Variants in RB1 observed in about 807,000 individuals in gnomAD.
The protein encoded by RB1 is retinoblastoma-associated protein.
In RB1, 18 loss-of-function variants were observed where a neutral mutation model predicts 135.4. The observed-to-expected ratio is 0.13, with a 90% confidence interval of 0.09 to 0.20. RB1 has a LOEUF of 0.20. RB1 is among the 10% of genes least tolerant of loss of function. The pLI, the probability that RB1 is intolerant of heterozygous loss-of-function variation, is 1.00. For missense variants in RB1, 868 were observed against 1,110.0 expected, an observed-to-expected ratio of 0.78 and a Z score of 3.10; for synonymous variants, 365 against 373.2, an observed-to-expected ratio of 0.98 and a Z score of 0.25.
intron 9 of RB1, 139 bp downstream of exon 9, chr13:48,365,110 G>A: frequency 9.2e-7 from 1 of 1,082,078 alleles, no homozygotes; most frequent in Non-Finnish European, 1.3e-6. Flanking sequence ...GTAGAATTGT[G>A]GTGAAACTAA....
At chr13:48,450,879 G>A (rs1949322974) in intron 17 of RB1, among the ~76,000 whole-genome samples, 1 of 152,034 alleles carries the variant, frequency 6.6e-6, no homozygotes, top group Non-Finnish European at 1.5e-5. Flanking sequence ...TGTGGTTGTT[G>A]AAGAGGCCCG....
intron 17 of RB1, among the ~76,000 whole-genome samples, chr13:48,433,703 G>C (rs751545561): frequency 4.8e-5 from 6 of 125,826 alleles, no homozygotes; most frequent in Non-Finnish European, 1.7e-5. Context: ...TTTACCTTTA[G>C]TAGGTATGCA....
intron 2 of RB1, chr13:48,332,962 T>A (rs1952350088): frequency 5.0e-6 from 2 of 398,002 alleles, no homozygotes; most frequent in Non-Finnish European, 8.9e-6. Flanking sequence ...AGAACAATTA[T>A]GACAAGATGC....
intron 13 of RB1, among the ~76,000 whole-genome samples, chr13:48,377,563 C>T (rs546165556): frequency 2.0e-5 from 3 of 152,210 alleles, no homozygotes; most frequent in South Asian, 2.1e-4. Context: ...ATTTGCTCTG[C>T]TTTGTTGTGT....
chr13:48,395,325 C>A (rs1302985241), intron 17 of RB1, among the ~76,000 whole-genome samples: 1 of 152,066 alleles, frequency 6.6e-6, no homozygotes, highest in African/African-American at 2.4e-5. Context: ...ATTCCAAAAA[C>A]CAGAGCGCCT....
chr13:48,403,845 G>A (rs2138184886), intron 17 of RB1, among the ~76,000 whole-genome samples: 2 of 152,154 alleles, frequency 1.3e-5, no homozygotes, highest in Middle Eastern at 3.4e-3. Flanking sequence ...CTAAGGCCAT[G>A]CCAGCCTATG....
At chr13:48,458,218 G>A (rs534359814) in intron 19 of RB1, among the ~76,000 whole-genome samples, 1 of 152,322 alleles carries the variant, frequency 6.6e-6, no homozygotes, top group South Asian at 2.1e-4. Flanking sequence ...GTTGCCTACT[G>A]CAGACACATT....
Position 48,401,793 on chromosome 13 carries a change from A to T in RB1, c.1695+20350A>T, listed in dbSNP as rs562490115. Among the ~76,000 whole-genome samples, 9 of 152,328 alleles carry T rather than the reference A, an allele frequency of 5.9e-5. No homozygotes were observed. The South Asian group carries it at 1.9e-3, about 32-fold the overall frequency. On this transcript the variant is annotated intron_variant, in intron 17 of 26. Transcript: ENST00000267163. Reference sequence around the variant, plus strand: ...GATTTGTTTCTTAGCCTTTTCAAAAAAGCCTTTTCTTACTTTGCTAAGTTT... The same window carrying T: ...GATTTGTTTCTTAGCCTTTTCAAAATAGCCTTTTCTTACTTTGCTAAGTTT...
At chr13:48,321,054 C>CT (rs1281598798) in intron 2 of RB1, among the ~76,000 whole-genome samples, 1 of 152,080 alleles carries the variant, frequency 6.6e-6, no homozygotes, top group Admixed American at 6.5e-5. Context: ...AGGATAAGGC[C>CT]TTTATCACTC....
intron 2 of RB1, among the ~76,000 whole-genome samples, chr13:48,335,228 TG>T (rs769499099): frequency 6.1e-4 from 93 of 152,126 alleles, no homozygotes; most frequent in Non-Finnish European, 6.8e-4. Flanking sequence ...GAAACTGTTT[TG>T]GGTTTTTATA....
chr13:48,392,375 T>C (rs1948617591), intron 17 of RB1, among the ~76,000 whole-genome samples: 1 of 152,196 alleles, frequency 6.6e-6, no homozygotes, highest in Admixed American at 6.5e-5. Flanking sequence ...CTTCCCAAAG[T>C]GCTGGGATTA....
At chr13:48,392,831 G>C (rs1948621569) in intron 17 of RB1, among the ~76,000 whole-genome samples, 1 of 151,922 alleles carries the variant, frequency 6.6e-6, no homozygotes, top group Non-Finnish European at 1.5e-5. Context: ...TTAGGTGCCA[G>C]ATATCATGAA....
At chr13:48,414,793 G>A (rs962626231) in intron 17 of RB1, among the ~76,000 whole-genome samples, 4 of 152,038 alleles carry the variant, frequency 2.6e-5, no homozygotes, top group Non-Finnish European at 2.9e-5. Flanking sequence ...AAAAAAAGAT[G>A]AGTATTACTT....
chr13:48,465,343 C>T lies in RB1; in HGVS notation c.2464C>T (p.Pro822Ser). The T allele has an allele frequency of 6.2e-7, 1 of 1,607,690 alleles. No homozygotes were observed. Among genetic ancestry groups the T allele is most frequent in the Non-Finnish European group, 8.5e-7 (1 of 1,174,318 alleles). The change falls in exon 23 of 27, where the codon CCA becomes TCA. Residue 822 changes from proline to serine, a missense_variant. By Grantham distance (74) the Pro-to-Ser change is moderately conservative (BLOSUM62 -1). Transcript: ENST00000267163. ...PYKISEGLPT[P>S]TKMTPRSRIL... is the part of the protein sequence containing the mutation. Reference sequence around the variant, plus strand: ...TAAAATTTCAGAAGGTCTGCCAACACCAACAAAAATGACTCCAAGATCAAG... The same window carrying T: ...TAAAATTTCAGAAGGTCTGCCAACATCAACAAAAATGACTCCAAGATCAAG...
chr13:48,465,431 TA>T, intron 23 of RB1, 63 bp downstream of exon 23: 1 of 1,426,434 alleles, frequency 7.0e-7, no homozygotes, highest in Non-Finnish European at 9.9e-7. Context: ...GATCCAAGAA[TA>T]AAAAATATAA....
At chr13:48,349,342 A>G in intron 6 of RB1, among the ~76,000 whole-genome samples, 1 of 151,926 alleles carries the variant, frequency 6.6e-6, no homozygotes, top group Admixed American at 6.6e-5. Flanking sequence ...ACAAAAGCAC[A>G]AAGAAAAATT....
chr13:48,329,928 G>T (rs1255239900), intron 2 of RB1, among the ~76,000 whole-genome samples: 3 of 151,930 alleles, frequency 2.0e-5, no homozygotes, highest in African/African-American at 7.3e-5. Flanking sequence ...CATATGTCAG[G>T]CCATAAAACA....
At chr13:48,443,185 G>T (rs1949254747) in intron 17 of RB1, among the ~76,000 whole-genome samples, 1 of 151,242 alleles carries the variant, frequency 6.6e-6, no homozygotes, top group South Asian at 2.1e-4. Context: ...TTAGCGAAAG[G>T]ATTACTGTTT....
At chr13:48,431,541 A>C (rs1192357012) in intron 17 of RB1, among the ~76,000 whole-genome samples, 1 of 152,222 alleles carries the variant, frequency 6.6e-6, no homozygotes, top group African/African-American at 2.4e-5. Flanking sequence ...ATCTATTCCC[A>C]GAGCAAAATT....
Sources: allele counts gnomAD v4.1 joint callset (sites outside exome capture counted in the v4.1 genomes callset), GRCh38; gene constraint gnomAD v4.1.1; transcripts MANE v1.5; gene names NCBI Gene and HGNC (gene_info 2026-07-23, HGNC 2026-07-21).